The following SLC22A4 variants were observed in gnomAD, a reference collection of about 807,000 sequenced individuals.
The protein encoded by SLC22A4 is ET transporter.
A neutral mutation model predicts 56.6 loss-of-function variants in SLC22A4; 39 were observed. The ratio of observed to expected loss-of-function variants is 0.69; its 90% CI spans 0.53 to 0.90. The LOEUF (loss-of-function observed/expected upper bound fraction) is 0.90, where lower values mean the gene tolerates loss of function less well. Ranked by LOEUF, SLC22A4 falls within the 40% of genes least tolerant of loss-of-function variation. The pLI is 0.00. For missense variants in SLC22A4, 594 were observed against 696.5 expected, an observed-to-expected ratio of 0.85 and a Z score of 1.66; for synonymous variants, 241 against 281.4, an observed-to-expected ratio of 0.86 and a Z score of 1.44.
At position 132,343,909 on chromosome 5, in the gene SLC22A4, T is replaced by G. The variant is rs1751291184; in HGVS notation, c.*74T>G. 1 of 887,070 alleles carries G rather than the reference T, an allele frequency of 1.1e-6. No homozygotes were observed. Among genetic ancestry groups the G allele is most frequent in the Non-Finnish European group, 1.9e-6 (1 of 536,608 alleles). 54.9% of individuals were successfully genotyped at this position (887,070 alleles called of 1,614,324 possible). A position where few individuals can be genotyped will look rare whatever the true frequency, so the allele number is the denominator to read the frequency against. On this transcript the variant is annotated 3_prime_UTR_variant, in exon 10 of 10. Transcript: ENST00000200652. ...CTGTGGAGAAATTCGTTGTTCCCACTGAAATGGACTGACTGTAACGATTGA... is the reference window on the plus strand; with the variant it reads ...CTGTGGAGAAATTCGTTGTTCCCACGGAAATGGACTGACTGTAACGATTGA...
intron 1 of SLC22A4, among the ~76,000 whole-genome samples, chr5:132,298,090 A>T (rs1749819447): frequency 6.6e-6 from 1 of 152,234 alleles, no homozygotes; most frequent in South Asian, 2.1e-4. Context: ...GTCCCTAAAA[A>T]AATTAAAAAT....
intron 5 of SLC22A4, 147 bp from the exon 6 acceptor site, chr5:132,331,609 T>A: frequency 5.5e-6 from 4 of 724,806 alleles, no homozygotes; most frequent in Non-Finnish European, 7.7e-6. Flanking sequence ...TATATGTAGA[T>A]GCCCTATTGC....
intron 1 of SLC22A4, among the ~76,000 whole-genome samples, chr5:132,297,665 C>T (rs1253143498): frequency 6.6e-6 from 1 of 151,232 alleles, no homozygotes; most frequent in African/African-American, 2.4e-5. Flanking sequence ...AAAATAGTTA[C>T]TACAAAAAGA....
intron 3 of SLC22A4, among the ~76,000 whole-genome samples, chr5:132,318,115 G>C (rs773171707): frequency 6.6e-6 from 1 of 152,200 alleles, no homozygotes; most frequent in Non-Finnish European, 1.5e-5. Flanking sequence ...CTTTTGACTG[G>C]AGTGATTGGT....
chr5:132,342,771 G>T (rs1751261414), intron 9 of SLC22A4, among the ~76,000 whole-genome samples: 2 of 152,372 alleles, frequency 1.3e-5, no homozygotes, highest in African/African-American at 4.8e-5. Flanking sequence ...TACATACAGA[G>T]AGGTCTGGAA....
rs768427012 is a variant in SLC22A4 at position 132,294,834 on chromosome 5, A to G, written c.218A>G (p.Asp73Gly). 6.2e-7 allele frequency: 1 copy of G among 1,610,226 alleles called. No individual in the cohort carries two copies. The highest frequency in any genetic ancestry group is 2.2e-5 in the East Asian group (1 of 44,798). ...RNNSVPLRLRDGREVPHSCSR... is the reference protein window; with the variant it reads ...RNNSVPLRLRGGREVPHSCSR... ...AACAGTGTCCCGCTGCGGCTGCGGG[A>G]CGGCCGCGAGGTGCCCCACAGCTGC... is the stretch of plus-strand genomic sequence containing the variant. The change falls in exon 1 of 10, where the codon GAC becomes GGC. Residue 73 changes from aspartate (D) to glycine (G), a missense_variant. By Grantham distance (94) the Asp-to-Gly change is moderately conservative. Coordinates refer to ENST00000200652, the MANE Select transcript of SLC22A4 (RefSeq NM_003059.3). The surrounding 1 kb of genome is among the most constrained non-coding windows in gnomAD (Gnocchi z 5.6).
chr5:132,313,989 G>C (rs533080979), intron 3 of SLC22A4, among the ~76,000 whole-genome samples: 1 of 152,326 alleles, frequency 6.6e-6, no homozygotes, highest in Admixed American at 6.5e-5. Flanking sequence ...GAGAAGAAGA[G>C]CAGGAGCCAT....
At chr5:132,314,783 G>T (rs1224790607) in intron 3 of SLC22A4, among the ~76,000 whole-genome samples, 1 of 152,226 alleles carries the variant, frequency 6.6e-6, no homozygotes, top group African/African-American at 2.4e-5. Context: ...CTGTCAAGTT[G>T]CCAGGATGGA....
chr5:132,295,313 G>GCGCA (rs1260126797), intron 1 of SLC22A4: 1 of 605,680 alleles, frequency 1.7e-6, no homozygotes, highest in Non-Finnish European at 3.2e-6. Flanking sequence ...GTTGGGGGAA[G>GCGCA]CGCAGCCCCA....
Position 132,324,316 on chromosome 5 carries a change from G to A in SLC22A4, c.824+1961G>A, listed in dbSNP as rs150937166. The A allele has an allele frequency of 3.0e-3, 1,035 of 342,570 alleles. 6 individuals carry two copies. Among genetic ancestry groups the A allele is most frequent in the Non-Finnish European group, 2.6e-3 (444 of 170,584 alleles). The allele number at this position is 342,570 out of a possible 1,614,324, so 21.2% of individuals were successfully genotyped here. On this transcript the variant is annotated intron_variant, in intron 4 of 9. Transcript: ENST00000200652. ...TTAGTAGGGATGGGATCTTTGCCTC[G>A]GGACCATATGTCACAGCGAGGAACG...
intron 9 of SLC22A4, among the ~76,000 whole-genome samples, chr5:132,341,223 T>A (rs1302896762): frequency 1.3e-5 from 2 of 151,728 alleles, no homozygotes; most frequent in African/African-American, 4.8e-5. Context: ...ATCGAGACCA[T>A]CCTGGCCAAC....
chr5:132,299,360 A>G (rs975976283), intron 1 of SLC22A4, among the ~76,000 whole-genome samples: 5 of 151,630 alleles, frequency 3.3e-5, no homozygotes, highest in East Asian at 1.9e-4. Context: ...AAGTTTTTCA[A>G]CCTGTGCAGT....
At chr5:132,317,962 A>C (rs778793293) in intron 3 of SLC22A4, among the ~76,000 whole-genome samples, 1 of 152,264 alleles carries the variant, frequency 6.6e-6, no homozygotes, top group Non-Finnish European at 1.5e-5. Context: ...GGGAAGAGCA[A>C]GAACTTACTC....
chr5:132,332,570 T>C (rs1299894873), intron 6 of SLC22A4, among the ~76,000 whole-genome samples: 2 of 152,152 alleles, frequency 1.3e-5, no homozygotes, highest in African/African-American at 2.4e-5. Flanking sequence ...TAGATCCCCA[T>C]TGCCTGGATT....
intron 1 of SLC22A4, among the ~76,000 whole-genome samples, chr5:132,300,978 A>G (rs961360079): frequency 2.0e-4 from 30 of 152,234 alleles, no homozygotes; most frequent in African/African-American, 7.2e-4. Flanking sequence ...CCCTTCATAT[A>G]TAGCCCTCAG....
chr5:132,312,169 G>A lies in SLC22A4; in HGVS notation c.402G>A (p.Leu134=). 6.2e-7 allele frequency: 1 copy of A among 1,606,790 alleles called. No individual in the cohort carries two copies. Among genetic ancestry groups the A allele is most frequent in the Non-Finnish European group, 8.5e-7 (1 of 1,173,272 alleles). Residue 134 remains leucine, a synonymous_variant, in exon 2 of 10, where the codon CTG becomes CTA. Coordinates refer to ENST00000200652, the MANE Select transcript of SLC22A4 (RefSeq NM_003059.3). ...GCTGTCTTCCTTGGCAGTGGAATCT[G>A]GTGTGTGAGGACAACTGGAAGGTGC... ...YLSTVVTEWN[L]VCEDNWKVPL...
At chr5:132,310,743 G>A (rs1405812172) in intron 1 of SLC22A4, among the ~76,000 whole-genome samples, 1 of 152,208 alleles carries the variant, frequency 6.6e-6, no homozygotes, top group Non-Finnish European at 1.5e-5. Flanking sequence ...TCACAGAGTG[G>A]CTCCTTTGTG....
chr5:132,302,665 T>C (rs1749932077), intron 1 of SLC22A4, among the ~76,000 whole-genome samples: 1 of 152,214 alleles, frequency 6.6e-6, no homozygotes, highest in African/African-American at 2.4e-5. Flanking sequence ...CCCTCAGTGC[T>C]TGGTGACTGG....
intron 8 of SLC22A4, among the ~76,000 whole-genome samples, chr5:132,336,561 AAC>A (rs1315602608): frequency 1.3e-5 from 2 of 152,146 alleles, no homozygotes; most frequent in African/African-American, 4.8e-5. Flanking sequence ...AAAAAGAATA[AAC>A]ACACAAATAA....
Sources: allele counts gnomAD v4.1 joint callset (sites outside exome capture counted in the v4.1 genomes callset), GRCh38; gene constraint gnomAD v4.1.1; non-coding constraint Gnocchi (gnomAD v3.1); transcripts MANE v1.5; gene names NCBI Gene and HGNC (gene_info 2026-07-23, HGNC 2026-07-21).